The following TCF4 variants were observed in gnomAD, a reference collection of about 807,000 sequenced individuals.
The protein encoded by TCF4 is SL3-3 enhancer factor 2.
A neutral mutation model predicts 82.1 loss-of-function variants in TCF4; 3 were observed. The ratio of observed to expected loss-of-function variants is 0.04; its 90% CI spans 0.02 to 0.09. The LOEUF (loss-of-function observed/expected upper bound fraction) is 0.09. Ranked by LOEUF, TCF4 falls within the 10% of genes least tolerant of loss-of-function variation. TCF4 has a pLI of 1.00. For synonymous variants in TCF4, 276 were observed against 309.6 expected, an observed-to-expected ratio of 0.89 and a Z score of 1.14; for missense variants, 518 against 852.7, an observed-to-expected ratio of 0.61 and a Z score of 4.89.
Position 55,362,268 on chromosome 18 carries a change from A to G in TCF4, c.370-11265T>C, listed in dbSNP as rs1039092035. Among the ~76,000 whole-genome samples the G allele has an allele frequency of 1.8e-4, 27 of 151,686 alleles. 1 individual carries two copies. Among genetic ancestry groups the G allele is most frequent in the African/African-American group, 6.5e-4 (27 of 41,302 alleles). ...GAGTTGGAGGCTGCGGTGAGTTATG[A>G]TCGCACCACTGCACTCCAGCCTGGG... On this transcript the variant is annotated intron_variant, in intron 6 of 19. Coordinates refer to ENST00000354452, the MANE Select transcript of TCF4 (RefSeq NM_001083962.2).
At chr18:55,434,419 C>CTTTTTTTTTTTTTTTTTTTT (rs765165999) in intron 5 of TCF4, among the ~76,000 whole-genome samples, 1 of 118,204 alleles carries the variant, frequency 8.5e-6, no homozygotes, top group Non-Finnish European at 1.6e-5. Flanking sequence ...ACAGGACATT[C>CTTTTTTTTTTTTTTTTTTTT]TTTTTTTTTT....
intron 3 of TCF4, among the ~76,000 whole-genome samples, chr18:55,573,591 A>G (rs890997589): frequency 6.6e-6 from 1 of 152,158 alleles, no homozygotes; most frequent in Non-Finnish European, 1.5e-5. Flanking sequence ...CCCACCAGCC[A>G]CAGCGGCTGG....
intron 3 of TCF4, among the ~76,000 whole-genome samples, chr18:55,476,077 C>T (rs867197753): frequency 1.3e-5 from 2 of 152,024 alleles, no homozygotes; most frequent in Non-Finnish European, 2.9e-5. Flanking sequence ...AAAAGGAGAC[C>T]TGCCATTTCA....
At chr18:55,259,082 G>A (rs1027146041) in intron 13 of TCF4, among the ~76,000 whole-genome samples, 2 of 152,102 alleles carry the variant, frequency 1.3e-5, no homozygotes, top group Non-Finnish European at 1.5e-5. Context: ...TCCTGTCCTC[G>A]ACCAAGGAGC....
chr18:55,456,397 G>C (rs1040793773), intron 5 of TCF4, among the ~76,000 whole-genome samples: 1 of 152,164 alleles, frequency 6.6e-6, no homozygotes, highest in Non-Finnish European at 1.5e-5. Flanking sequence ...TAAGGAAACT[G>C]AACCATTCAA....
At chr18:55,437,358 T>C (rs921334030) in intron 5 of TCF4, among the ~76,000 whole-genome samples, 22 of 152,222 alleles carry the variant, frequency 1.4e-4, no homozygotes, top group African/African-American at 5.3e-4. Context: ...AATCTATCAA[T>C]TTGATGAACA....
chr18:55,292,325 T>G (rs1449828416), intron 8 of TCF4, among the ~76,000 whole-genome samples: 1 of 152,184 alleles, frequency 6.6e-6, no homozygotes, highest in Non-Finnish European at 1.5e-5. Context: ...GCTAACTAAA[T>G]TACTTTGTTC....
chr18:55,519,778 T>C (rs556124943), intron 3 of TCF4, among the ~76,000 whole-genome samples: 37 of 152,308 alleles, frequency 2.4e-4, no homozygotes, highest in African/African-American at 8.7e-4. Flanking sequence ...GTAGTCTTCA[T>C]TGATGTCATG....
intron 6 of TCF4, among the ~76,000 whole-genome samples, chr18:55,378,445 CTAAG>C (rs2091277166): frequency 1.3e-5 from 2 of 152,170 alleles, no homozygotes; most frequent in African/African-American, 4.8e-5. Context: ...AGACACTCTT[CTAAG>C]TGTCTTACAT....
intron 13 of TCF4, among the ~76,000 whole-genome samples, chr18:55,257,714 G>A (rs1243301326): frequency 2.6e-5 from 4 of 152,154 alleles, no homozygotes; most frequent in African/African-American, 9.7e-5. Context: ...ACTTTTAAGG[G>A]TACAAAAATG....
intron 14 of TCF4, among the ~76,000 whole-genome samples, chr18:55,256,182 T>C (rs958082869): frequency 2.0e-5 from 3 of 152,194 alleles, no homozygotes; most frequent in African/African-American, 7.2e-5. Flanking sequence ...AGCTTCCTGG[T>C]AGAGACAGCA....
intron 5 of TCF4, among the ~76,000 whole-genome samples, chr18:55,447,005 A>G (rs2095538158): frequency 1.3e-5 from 2 of 151,722 alleles, no homozygotes; most frequent in African/African-American, 2.4e-5. Context: ...AAAAAAGGAA[A>G]AAAAGAAAAA....
chr18:55,528,733 C>T (rs72627231), intron 3 of TCF4, among the ~76,000 whole-genome samples: 40,631 of 152,094 alleles, frequency 0.27, 6,380 homozygotes, highest in Middle Eastern at 0.43. Flanking sequence ...TATGTCTCTT[C>T]ATTATTGACT....
chr18:55,295,750 G>A (rs1469611782), intron 8 of TCF4, among the ~76,000 whole-genome samples: 1 of 152,064 alleles, frequency 6.6e-6, no homozygotes, highest in African/African-American at 2.4e-5. Context: ...TAAGCTTCTG[G>A]CATTCTGAAC....
chr18:55,234,903 G>A (rs962047772), intron 15 of TCF4, among the ~76,000 whole-genome samples: 1 of 152,160 alleles, frequency 6.6e-6, no homozygotes, highest in Non-Finnish European at 1.5e-5. Flanking sequence ...TGACAAATAT[G>A]GCAGAGTAGC....
intron 5 of TCF4, chr18:55,423,658 A>C (rs1163681525): frequency 6.6e-6 from 1 of 152,392 alleles, no homozygotes; most frequent in African/African-American, 2.4e-5. Context: ...CACATGACCA[A>C]ACCAATCAAT....
intron 5 of TCF4, among the ~76,000 whole-genome samples, chr18:55,421,914 C>G (rs1286703080): frequency 1.3e-5 from 2 of 152,038 alleles, no homozygotes; most frequent in Non-Finnish European, 2.9e-5. Context: ...TAACAGCTCT[C>G]TGTGTTAAAT....
At chr18:55,350,819 A>G (rs1003153521) in intron 7 of TCF4, 55 bp downstream of exon 7, 2 of 1,610,564 alleles carry the variant, frequency 1.2e-6, no homozygotes, top group African/African-American at 2.7e-5. Context: ...GAAAGAAAGA[A>G]AAAAAGAAAA....
At chr18:55,324,754 C>T (rs974740400) in intron 8 of TCF4, among the ~76,000 whole-genome samples, 5 of 152,148 alleles carry the variant, frequency 3.3e-5, no homozygotes, top group Admixed American at 6.5e-5. Context: ...ATACAGAAAG[C>T]CACCATCCCT....
Sources: allele counts gnomAD v4.1 joint callset (sites outside exome capture counted in the v4.1 genomes callset), GRCh38; gene constraint gnomAD v4.1.1; transcripts MANE v1.5; gene names NCBI Gene and HGNC (gene_info 2026-07-23, HGNC 2026-07-21).